ASTN2: variants seen among roughly 807,000 people sequenced by gnomAD.
ASTN2 encodes astrotactin-2.
A neutral mutation model predicts 139.8 loss-of-function variants in ASTN2; 54 were observed. The ratio of observed to expected loss-of-function variants is 0.39; its 90% CI spans 0.31 to 0.48. The LOEUF (loss-of-function observed/expected upper bound fraction) is 0.48, where lower values mean the gene tolerates loss of function less well. Ranked by LOEUF, ASTN2 falls within the 20% of genes least tolerant of loss-of-function variation. ASTN2 has a pLI of 0.95. For missense variants in ASTN2, 1,565 were observed against 1,725.1 expected, an observed-to-expected ratio of 0.91 and a Z score of 1.64; for synonymous variants, 756 against 719.5, an observed-to-expected ratio of 1.05 and a Z score of -0.81.
rs1376804195 is a variant in ASTN2, at chr9:117,312,357, T to G, written c.443-20844A>C. Reference sequence around the variant, plus strand: ...TGTTAACCACCAGGAGGTGGTTAGGTGCTACAAGGTCTTTAACAAGCCAGA... The same window carrying G: ...TGTTAACCACCAGGAGGTGGTTAGGGGCTACAAGGTCTTTAACAAGCCAGA... On this transcript the variant is annotated intron_variant, in intron 1 of 22. Coordinates refer to ENST00000313400, the MANE Select transcript of ASTN2 (RefSeq NM_001365068.1). 3.3e-5 allele frequency among the ~76,000 whole-genome samples: 5 copies of G among 152,284 alleles called. No individual in the cohort carries two copies. The South Asian group carries it at 1.0e-3, about 32-fold the overall frequency.
At chr9:117,142,646 T>C (rs774081066) in intron 3 of ASTN2, among the ~76,000 whole-genome samples, 6 of 151,330 alleles carry the variant, frequency 4.0e-5, no homozygotes, top group Non-Finnish European at 8.8e-5. Flanking sequence ...GTTCAGTACA[T>C]GGAGAAAGTA....
At chr9:116,975,074 T>C (rs1459517304) in intron 10 of ASTN2, 134 bp downstream of exon 10, 5 of 871,616 alleles carry the variant, frequency 5.7e-6, no homozygotes, top group Non-Finnish European at 8.1e-6. Context: ...TTTAGGAGCA[T>C]GGCATATTTG....
At chr9:117,009,156 G>T (rs1188351216) in intron 6 of ASTN2, among the ~76,000 whole-genome samples, 4 of 152,114 alleles carry the variant, frequency 2.6e-5, no homozygotes, top group African/African-American at 7.2e-5. Context: ...TAGATCTTCA[G>T]ATTTTCTTCA....
At chr9:117,181,009 G>A in intron 3 of ASTN2, 1 of 1,593,624 alleles carries the variant, frequency 6.3e-7, no homozygotes, top group South Asian at 1.1e-5. Context: ...TCGCATGCCT[G>A]TTTGGAGCCT....
intron 3 of ASTN2, among the ~76,000 whole-genome samples, chr9:117,188,166 TAGAGAGAGAGAGAGAGAGAGAGAGAGAC>T (rs1416402390): frequency 3.2e-5 from 4 of 125,668 alleles, no homozygotes; most frequent in African/African-American, 1.3e-4. Context: ...GTCTGTGTGA[TAGAGAGAGAGAGAGAGAGAGAGAGAGAC>T]AGAGAGAGAG....
intron 3 of ASTN2, among the ~76,000 whole-genome samples, chr9:117,208,686 A>C (rs1003961984): frequency 4.6e-5 from 7 of 152,190 alleles, no homozygotes; most frequent in African/African-American, 1.7e-4. Context: ...GGCATCTTAC[A>C]GTCAAGTTGT....
At position 117,150,301 on chromosome 9, in the gene ASTN2, C is replaced by T. The variant is rs998189699; in HGVS notation, c.1016-8823G>A. On this transcript the variant is annotated intron_variant, in intron 3 of 22. Coordinates refer to ENST00000313400, the MANE Select transcript of ASTN2 (RefSeq NM_001365068.1). The stretch of plus-strand genomic sequence containing the variant: ...ATAAATACAATTGCATTCTTCAGTA[C>T]GCAAAACACTTTCACCTCCCTCAAC... Among the ~76,000 whole-genome samples, 7 of 152,116 alleles carry T rather than the reference C, an allele frequency of 4.6e-5. No homozygotes were observed. In the East Asian group the frequency reaches 7.7e-4, roughly 17 times the overall value.
At chr9:117,407,170 G>T (rs556663058) in intron 1 of ASTN2, among the ~76,000 whole-genome samples, 48 of 152,296 alleles carry the variant, frequency 3.2e-4, no homozygotes, top group African/African-American at 1.1e-3. Flanking sequence ...GGGATGGTGA[G>T]GTAGAGGTGC....
chr9:116,722,654 T>G (rs1828504548), intron 16 of ASTN2, among the ~76,000 whole-genome samples: 1 of 152,168 alleles, frequency 6.6e-6, no homozygotes, highest in Non-Finnish European at 1.5e-5. Context: ...TACCCTTGCC[T>G]CCTTTGCTTT....
At chr9:116,712,631 A>T (rs550297501) in intron 16 of ASTN2, among the ~76,000 whole-genome samples, 94 of 152,292 alleles carry the variant, frequency 6.2e-4, no homozygotes, top group African/African-American at 2.2e-3. Context: ...TGCAATAGAA[A>T]GTGGGGTATG....
In ASTN2 at chr9:116,632,158, CAGAG is replaced by C. The variant is rs1203553131; in HGVS notation, c.3073-11719_3073-11716del. ...AGAGAGAGAGAGAGAGAGAGAGAGACAGAGAGAGAGAGAGAGAGAGAGAGAGGGA... is the reference window on the plus strand; with the variant it reads ...AGAGAGAGAGAGAGAGAGAGAGAGACAGAGAGAGAGAGAGAGAGAGAGGGA... On this transcript the variant is annotated intron_variant, in intron 17 of 22. Coordinates refer to ENST00000313400, the MANE Select transcript of ASTN2 (RefSeq NM_001365068.1). Among the ~76,000 whole-genome samples the C allele has an allele frequency of 6.3e-3, 240 of 38,094 alleles. 5 individuals are homozygous for C. Among genetic ancestry groups the C allele is most frequent in the Admixed American group, 5.4e-3 (15 of 2,774 alleles). The allele number at this position is 38,094 out of a possible 152,430, so 25.0% of individuals were successfully genotyped here. A position where few individuals can be genotyped will look rare whatever the true frequency, so the allele number is the denominator to read the frequency against.
rs530410608 is a variant in ASTN2 at position 116,618,122 on chromosome 9, T to C, written c.3355+202A>G. 2.6e-5 allele frequency among the ~76,000 whole-genome samples: 4 copies of C among 152,346 alleles called. No individual in the cohort carries two copies. In the East Asian group the frequency reaches 5.8e-4, roughly 22 times the overall value. ...GTCCAACTCAGAGAATCAGACACTC[T>C]TTCTAACTGCAACTTGCTATCTTTC... On this transcript the variant is annotated intron_variant, in intron 19 of 22. Transcript: ENST00000313400.
Position 117,025,104 on chromosome 9 carries a change from T to C in ASTN2, c.1423+14715A>G, listed in dbSNP as rs976089316. ...CTCGGGTATATCTTTATTAGTAGCG[T>C]GAGAACAGACTAATACAAGCGGCAA... is the stretch of plus-strand genomic sequence containing the variant. On this transcript the variant is annotated intron_variant, in intron 6 of 22. Transcript: ENST00000313400. 5.9e-5 allele frequency among the ~76,000 whole-genome samples: 9 copies of C among 152,012 alleles called. No individual in the cohort carries two copies. The East Asian group carries it at 1.7e-3, about 29-fold the overall frequency.
intron 20 of ASTN2, among the ~76,000 whole-genome samples, chr9:116,449,593 C>T (rs151010061): frequency 8.3e-4 from 127 of 152,192 alleles, no homozygotes; most frequent in African/African-American, 2.9e-3. Flanking sequence ...ACAAGACCCC[C>T]GCCCCAGTTC....
At chr9:117,075,516 AGGG>A (rs1489111917) in intron 5 of ASTN2, among the ~76,000 whole-genome samples, 2 of 143,624 alleles carry the variant, frequency 1.4e-5, no homozygotes, top group Admixed American at 1.4e-4. Flanking sequence ...GAGGAGGAGG[AGGG>A]GGCAGGCTGA....
intron 16 of ASTN2, among the ~76,000 whole-genome samples, chr9:116,709,886 C>A (rs986042758): frequency 6.6e-6 from 1 of 152,110 alleles, no homozygotes; most frequent in Non-Finnish European, 1.5e-5. Context: ...TCATAGAAAG[C>A]CATAATGGTT....
chr9:116,572,420 C>CT (rs1853556951), intron 19 of ASTN2, among the ~76,000 whole-genome samples: 1 of 152,246 alleles, frequency 6.6e-6, no homozygotes, highest in South Asian at 2.1e-4. Context: ...ACCCCTGAGA[C>CT]TTCCAGCCTT....
At chr9:117,390,645 G>T (rs79892239) in intron 1 of ASTN2, among the ~76,000 whole-genome samples, 2,044 of 152,080 alleles carry the variant, frequency 0.013, 42 homozygotes, top group African/African-American at 0.047. Flanking sequence ...TGCTTTTAAG[G>T]CTCCTCCATG....
At chr9:117,325,683 G>A (rs1485900458) in intron 1 of ASTN2, among the ~76,000 whole-genome samples, 2 of 152,132 alleles carry the variant, frequency 1.3e-5, no homozygotes, top group African/African-American at 4.8e-5. Flanking sequence ...ATGTTCTGTT[G>A]TCAAGATAAT....
Sources: allele counts gnomAD v4.1 joint callset (sites outside exome capture counted in the v4.1 genomes callset), GRCh38; gene constraint gnomAD v4.1.1; transcripts MANE v1.5; gene names NCBI Gene and HGNC (gene_info 2026-07-23, HGNC 2026-07-21).